Variants in GRIN2B observed in about 807,000 individuals in gnomAD.
GRIN2B encodes glutamate ionotropic receptor NMDA type subunit 2B, also known as glutamate receptor ionotropic, NMDA 2B.
In GRIN2B, 5 loss-of-function variants were observed where a neutral mutation model predicts 114.5. The observed-to-expected ratio is 0.04, with a 90% CI of 0.02 to 0.09. The LOEUF (loss-of-function observed/expected upper bound fraction) is 0.09. Among genes scored for constraint, GRIN2B ranks in the 10% least tolerant of loss-of-function variants. GRIN2B has a pLI of 1.00. For missense variants in GRIN2B, 1,108 were observed against 1,943.5 expected (o/e 0.57, Z 8.08); for synonymous variants, 787 against 745.1 (o/e 1.06, Z -0.92).
At position 13,910,892 on chromosome 12, in the gene GRIN2B, A is replaced by T. The variant is rs114279992; in HGVS notation, c.-18-44666T>A. ...TTACTTCAAGGTTTCCAAATCTGTC[A>T]TGCTTGTTTGCATCTCCATACCCCC... On this transcript the variant is annotated intron_variant, in intron 2 of 13. Coordinates refer to ENST00000609686, the MANE Select transcript of GRIN2B (RefSeq NM_000834.5). Among the ~76,000 whole-genome samples the T allele has an allele frequency of 5.5e-3, 837 of 152,188 alleles. 4 individuals carry two copies. Among genetic ancestry groups the T allele is most frequent in the African/African-American group, 0.019 (802 of 41,502 alleles).
At chr12:13,670,796 C>T (rs909740387) in intron 5 of GRIN2B, among the ~76,000 whole-genome samples, 3 of 152,126 alleles carry the variant, frequency 2.0e-5, no homozygotes, top group Non-Finnish European at 4.4e-5. Context: ...TCCTTCTCCA[C>T]ATTCCTACAT....
chr12:13,806,151 T>C (rs922991626), intron 3 of GRIN2B, among the ~76,000 whole-genome samples: 1 of 152,158 alleles, frequency 6.6e-6, no homozygotes, highest in Admixed American at 6.6e-5. Context: ...TTAGGTTGAC[T>C]CCATATCTTG....
At chr12:13,774,005 A>C (rs1863955296) in intron 3 of GRIN2B, among the ~76,000 whole-genome samples, 1 of 152,162 alleles carries the variant, frequency 6.6e-6, no homozygotes. Context: ...GTACTGGACC[A>C]CTCAGACTGT....
chr12:13,579,558 T>C (rs569209993), intron 10 of GRIN2B, among the ~76,000 whole-genome samples: 91 of 152,338 alleles, frequency 6.0e-4, no homozygotes, highest in African/African-American at 2.0e-3. Flanking sequence ...CTATTGTTAC[T>C]ATCATTATTA....
Position 13,780,674 on chromosome 12 carries a change from C to T in GRIN2B, c.412-26759G>A, listed in dbSNP as rs535678397. Among the ~76,000 whole-genome samples the T allele has an allele frequency of 2.7e-4, 41 of 152,076 alleles. No individual in the cohort carries two copies. In the South Asian group the frequency reaches 7.3e-3, roughly 27 times the overall value. On this transcript the variant is annotated intron_variant, in intron 3 of 13. Coordinates refer to ENST00000609686, the MANE Select transcript of GRIN2B (RefSeq NM_000834.5). ...CAGAGAGCAAGGGTTTATAACATGA[C>T]GTGGCAGGAGAATTTACAAAGATGA...
intron 10 of GRIN2B, among the ~76,000 whole-genome samples, chr12:13,580,020 AAC>A (rs1441278819): frequency 1.3e-5 from 2 of 152,218 alleles, no homozygotes; most frequent in Non-Finnish European, 2.9e-5. Flanking sequence ...AGAATGAAGA[AAC>A]ATACTTGTTG....
At chr12:13,758,390 GAGAACATATCTATTTTCAAAT>G (rs1260379180) in intron 3 of GRIN2B, among the ~76,000 whole-genome samples, 1 of 152,090 alleles carries the variant, frequency 6.6e-6, no homozygotes, top group African/African-American at 2.4e-5. Flanking sequence ...TTGCTTCAAA[GAGAACATATCTATTTTCAAAT>G]ACTGAAATGA....
chr12:13,616,776 A>G, intron 5 of GRIN2B, 119 bp from the exon 6 acceptor site: 1 of 785,694 alleles, frequency 1.3e-6, no homozygotes, highest in Non-Finnish European at 2.3e-6. Context: ...AAGTGCCAAC[A>G]TTGTACATAC....
chr12:13,700,980 CA>C (rs1271745720), intron 4 of GRIN2B, among the ~76,000 whole-genome samples: 1 of 152,112 alleles, frequency 6.6e-6, no homozygotes, highest in Non-Finnish European at 1.5e-5. Flanking sequence ...TTAATTGACT[CA>C]CAATTCAGCA....
At chr12:13,906,535 A>T (rs1432690098) in intron 2 of GRIN2B, among the ~76,000 whole-genome samples, 1 of 152,224 alleles carries the variant, frequency 6.6e-6, no homozygotes, top group Non-Finnish European at 1.5e-5. Flanking sequence ...TGTGGTTTTC[A>T]CACATTTCAT....
At chr12:13,711,103 A>C (rs567169219) in intron 4 of GRIN2B, among the ~76,000 whole-genome samples, 1 of 152,288 alleles carries the variant, frequency 6.6e-6, no homozygotes, top group African/African-American at 2.4e-5. Context: ...TCTTTGACAA[A>C]CCTGACAAAA....
At chr12:13,963,785 C>A (rs912672470) in intron 2 of GRIN2B, among the ~76,000 whole-genome samples, 2 of 152,134 alleles carry the variant, frequency 1.3e-5, no homozygotes, top group African/African-American at 4.8e-5. Context: ...GTTGAATATT[C>A]AAGATCTAGG....
intron 4 of GRIN2B, among the ~76,000 whole-genome samples, chr12:13,710,417 T>C (rs1055064537): frequency 6.6e-6 from 1 of 152,060 alleles, no homozygotes; most frequent in African/African-American, 2.4e-5. Context: ...GGTATTCAAT[T>C]AGGAAAAGAG....
Position 13,584,138 on chromosome 12 carries a change from T to A in GRIN2B, c.2011-12174A>T, listed in dbSNP as rs554924208. ...CCCACCACCTTCTCTCCCACTCTCC[T>A]CCCTCACCCACTCCTCAGGAGCCAC... is the stretch of plus-strand genomic sequence containing the variant. On this transcript the variant is annotated intron_variant, in intron 10 of 13. Coordinates refer to ENST00000609686, the MANE Select transcript of GRIN2B (RefSeq NM_000834.5). Among the ~76,000 whole-genome samples, 4 of 152,200 alleles carry A rather than the reference T, an allele frequency of 2.6e-5. No individual in the cohort carries two copies. In the South Asian group the frequency reaches 8.3e-4, roughly 32 times the overall value.
Position 13,564,163 on chromosome 12 carries a change from G to A in GRIN2B, c.3075C>T (p.Ile1025=). Residue 1025 remains isoleucine (I), a synonymous_variant, in exon 14 of 14, where the codon ATC becomes ATT. Coordinates refer to ENST00000609686, the MANE Select transcript of GRIN2B (RefSeq NM_000834.5). The surrounding 1 kb of genome is among the most constrained non-coding windows in gnomAD (Gnocchi z 4.8). ...SRSISKKPLD[I]GLPSSKHSQL... ...GGCTGTGCTTGGAGGAGGGGAGGCC[G>A]ATGTCCAGGGGCTTCTTGCTGATGG... The A allele has an allele frequency of 1.9e-6, 3 of 1,614,164 alleles. No individual in the cohort carries two copies. Among genetic ancestry groups the A allele is most frequent in the Middle Eastern group, 1.6e-4 (1 of 6,062 alleles).
At chr12:13,651,119 G>C (rs1043651193) in intron 5 of GRIN2B, among the ~76,000 whole-genome samples, 2 of 152,070 alleles carry the variant, frequency 1.3e-5, no homozygotes, top group Non-Finnish European at 2.9e-5. Flanking sequence ...AAGAAAAGGG[G>C]CAAGAGAGAT....
intron 2 of GRIN2B, among the ~76,000 whole-genome samples, chr12:13,924,229 A>G (rs973936865): frequency 1.3e-5 from 2 of 152,190 alleles, no homozygotes; most frequent in East Asian, 3.9e-4. Context: ...TATCTAGGAT[A>G]GTATCAGTCA....
At chr12:13,584,248 C>T (rs2136431017) in intron 10 of GRIN2B, among the ~76,000 whole-genome samples, 1 of 152,266 alleles carries the variant, frequency 6.6e-6, no homozygotes, top group South Asian at 2.1e-4. Flanking sequence ...CCTGGATATC[C>T]ACATATATTG....
intron 4 of GRIN2B, among the ~76,000 whole-genome samples, chr12:13,676,334 C>A (rs1382423409): frequency 6.6e-6 from 1 of 151,908 alleles, no homozygotes; most frequent in African/African-American, 2.4e-5. Flanking sequence ...GCACATGTAC[C>A]CCAGAACTTA....
Sources: gnomAD v4.1 joint callset for allele counts (sites outside exome capture counted in the v4.1 genomes callset) on GRCh38, gnomAD v4.1.1 for gene constraint, Gnocchi (gnomAD v3.1) non-coding constraint, MANE v1.5 for transcripts, NCBI Gene and HGNC (gene_info 2026-07-23, HGNC 2026-07-21) for gene names.